Variants in ARHGEF7 observed in about 807,000 individuals in gnomAD.
ARHGEF7 encodes the protein PAK-interacting exchange factor beta.
Under a neutral mutation model 109.8 loss-of-function variants are expected in ARHGEF7, and 33 were observed. The ratio of observed to expected loss-of-function variants is 0.30; its 90% CI spans 0.23 to 0.40. ARHGEF7 has a LOEUF of 0.40. ARHGEF7 is among the 10% of genes least tolerant of loss of function. The pLI is 1.00. For synonymous variants in ARHGEF7, 458 were observed against 424.6 expected (o/e 1.08, Z -0.97); for missense variants, 938 against 1,098.5 (o/e 0.85, Z 2.07).
intron 6 of ARHGEF7, among the ~76,000 whole-genome samples, chr13:111,242,738 G>T (rs2088013726): frequency 6.6e-6 from 1 of 152,232 alleles, no homozygotes; most frequent in Non-Finnish European, 1.5e-5. Flanking sequence ...GAGGACCTGG[G>T]GCCGCTGTCT....
At chr13:111,175,538 G>A (rs1376730908) in intron 2 of ARHGEF7, among the ~76,000 whole-genome samples, 2 of 152,182 alleles carry the variant, frequency 1.3e-5, no homozygotes, top group Non-Finnish European at 2.9e-5. Flanking sequence ...CTGCAGGCTG[G>A]AGCCTGCAGT....
At chr13:111,199,017 CAT>C (rs1302442728) in intron 2 of ARHGEF7, among the ~76,000 whole-genome samples, 2 of 152,202 alleles carry the variant, frequency 1.3e-5, no homozygotes, top group Non-Finnish European at 2.9e-5. Flanking sequence ...TAGCTAGACA[CAT>C]AGTGCTGATG....
rs1018536280 is a variant in ARHGEF7 at position 111,304,337 on chromosome 13, G to C, written c.*1224G>C. 6 of 152,284 alleles carry C rather than the reference G, an allele frequency of 3.9e-5. No homozygotes were observed. Among genetic ancestry groups the C allele is most frequent in the Non-Finnish European group, 8.8e-5 (6 of 68,062 alleles). The allele number at this position is 152,284 out of a possible 1,614,324, so 9.4% of individuals were successfully genotyped here. ...TCCTGGGCAGGAAGCCCGGCCCGTG[G>C]AGCAGGTTTTCGTTCTGCTTCAGCA... On this transcript the variant is annotated 3_prime_UTR_variant, in exon 22 of 22. Coordinates refer to ENST00000646102, the MANE Select transcript of ARHGEF7 (RefSeq NM_001354046.2).
chr13:111,153,868 C>G lies in ARHGEF7; in HGVS notation c.166-37C>G, dbSNP rs761092172. 4 of 1,578,914 alleles carry G rather than the reference C, an allele frequency of 2.5e-6. No homozygotes were observed. In the South Asian group the frequency reaches 3.4e-5, roughly 13 times the overall value. On this transcript the variant is annotated intron_variant, in intron 1 of 21. Transcript: ENST00000646102. ...GCCTTGTCCGCGGCGTCCCCGCTGC[C>G]GGCCACGGCGCTCAGCGCTTGTGCT...
intron 2 of ARHGEF7, among the ~76,000 whole-genome samples, chr13:111,164,143 G>A (rs991405999): frequency 3.3e-5 from 5 of 152,208 alleles, no homozygotes; most frequent in African/African-American, 1.2e-4. Flanking sequence ...GTGTGTCTAG[G>A]CATTTTCCTT....
In ARHGEF7 at chr13:111,180,043, C is replaced by G. The variant is rs187987465; in HGVS notation, c.253-25246C>G. Among the ~76,000 whole-genome samples, 142 of 152,340 alleles carry G rather than the reference C, an allele frequency of 9.3e-4. 2 individuals are homozygous for G. The highest frequency in any genetic ancestry group is 6.2e-3 in the South Asian group (30 of 4,830). ...GTTTCACTGATGCTTCTAGCATCCA[C>G]TGCCTACGTGCCTGAATTACTTCCT... On this transcript the variant is annotated intron_variant, in intron 2 of 21. Transcript: ENST00000646102.
chr13:111,297,165 T>G (rs2093446070), intron 19 of ARHGEF7, among the ~76,000 whole-genome samples: 1 of 152,232 alleles, frequency 6.6e-6, no homozygotes, highest in East Asian at 1.9e-4. Flanking sequence ...TTCTTTGTTG[T>G]TTTTTGAAAG....
chr13:111,244,093 C>T (rs1595113590), intron 7 of ARHGEF7, 106 bp from the exon 8 acceptor site: 2 of 1,194,450 alleles, frequency 1.7e-6, no homozygotes, highest in Non-Finnish European at 1.2e-6. Context: ...CCTTAGACAT[C>T]AGCTGTTTAT....
At chr13:111,251,784 A>C (rs1016929486) in intron 8 of ARHGEF7, among the ~76,000 whole-genome samples, 1 of 151,942 alleles carries the variant, frequency 6.6e-6, no homozygotes, top group Non-Finnish European at 1.5e-5. Flanking sequence ...TTTCACATAC[A>C]CTCATGCCTG....
chr13:111,135,536 T>C (rs1031282579), intron 1 of ARHGEF7, among the ~76,000 whole-genome samples: 2 of 151,934 alleles, frequency 1.3e-5, no homozygotes, highest in African/African-American at 4.8e-5. Flanking sequence ...AGTTGGAAGG[T>C]ATTTTGTTCT....
intron 2 of ARHGEF7, among the ~76,000 whole-genome samples, chr13:111,196,442 A>T (rs1159746170): frequency 2.6e-5 from 4 of 152,250 alleles, no homozygotes; most frequent in Non-Finnish European, 5.9e-5. Context: ...CAATAGCATG[A>T]CATCTCTCCA....
chr13:111,130,394 C>T (rs545405898), intron 1 of ARHGEF7, among the ~76,000 whole-genome samples: 10 of 152,236 alleles, frequency 6.6e-5, no homozygotes, highest in Admixed American at 2.6e-4. Flanking sequence ...AGCATAATTA[C>T]GTTTTTGTTG....
rs1264241319 is a variant in ARHGEF7 at position 111,272,585 on chromosome 13, C to G, written c.1074-1229C>G. On this transcript the variant is annotated intron_variant, in intron 9 of 21. Transcript: ENST00000646102. The surrounding 1 kb of genome is among the most constrained non-coding windows in gnomAD (Gnocchi z 5.2). ...ATTTGTGCCATGGGTATCATTTGAA[C>G]CAAGCTCTGCTGACTAGAGACCCCT... Among the ~76,000 whole-genome samples the G allele has an allele frequency of 6.6e-6, 1 of 152,166 alleles. No individual in the cohort carries two copies. The highest frequency in any genetic ancestry group is 1.5e-5 in the Non-Finnish European group (1 of 68,038).
intron 17 of ARHGEF7, among the ~76,000 whole-genome samples, chr13:111,287,084 C>A (rs966984761): frequency 1.3e-5 from 2 of 152,234 alleles, no homozygotes; most frequent in Non-Finnish European, 2.9e-5. Flanking sequence ...CCTCCCCTCA[C>A]CGCCACCTTA....
chr13:111,200,548 T>G (rs1048120827), intron 2 of ARHGEF7, among the ~76,000 whole-genome samples: 1 of 151,980 alleles, frequency 6.6e-6, no homozygotes, highest in Non-Finnish European at 1.5e-5. Context: ...CTTCTCTCCC[T>G]TCCCAGGTGA....
At chr13:111,190,688 A>G (rs1476148342) in intron 2 of ARHGEF7, among the ~76,000 whole-genome samples, 2 of 152,172 alleles carry the variant, frequency 1.3e-5, no homozygotes, top group African/African-American at 4.8e-5. Flanking sequence ...TTTGAGGGGT[A>G]CTGATAAAGT....
At chr13:111,245,414 C>G (rs1349225410) in intron 8 of ARHGEF7, among the ~76,000 whole-genome samples, 3 of 152,178 alleles carry the variant, frequency 2.0e-5, no homozygotes, top group Admixed American at 1.3e-4. Flanking sequence ...GAAGATGACA[C>G]TTCAAGATGA....
At position 111,239,480 on chromosome 13, in the gene ARHGEF7, G is replaced by A. The variant is rs776900129; in HGVS notation, c.760-4392G>A. 2.0e-5 allele frequency among the ~76,000 whole-genome samples: 3 copies of A among 152,148 alleles called. No homozygotes were observed. The highest frequency in any genetic ancestry group is 6.5e-5 in the Admixed American group (1 of 15,288). On this transcript the variant is annotated intron_variant, in intron 6 of 21. Transcript: ENST00000646102. This position sits in a 1 kb window ranked among gnomAD's most constrained non-coding sequence, Gnocchi z 4.3. ...AGGAGGAAAACCTGAGCCTCCTGGT[G>A]ACAGGGTGTCTTCGGTCTCCATCCA...
intron 11 of ARHGEF7, 103 bp from the exon 12 acceptor site, chr13:111,275,429 A>G: frequency 8.0e-7 from 1 of 1,254,198 alleles, no homozygotes; most frequent in African/African-American, 1.5e-5. Context: ...AAGAAGTAAG[A>G]TATAAAGCAA....
Sources: allele counts gnomAD v4.1 joint callset (sites outside exome capture counted in the v4.1 genomes callset), GRCh38; gene constraint gnomAD v4.1.1; non-coding constraint Gnocchi (gnomAD v3.1); transcripts MANE v1.5; gene names NCBI Gene and HGNC (gene_info 2026-07-23, HGNC 2026-07-21).